Variants in DOCK7 observed in about 807,000 individuals in gnomAD.
DOCK7 encodes dedicator of cytokinesis protein 7.
DOCK7 carries 138 observed loss-of-function variants against 271.0 expected under a neutral mutation model. The observed-to-expected ratio is 0.51, with a 90% CI of 0.44 to 0.59. The LOEUF (loss-of-function observed/expected upper bound fraction) is 0.59. Among genes scored for constraint, DOCK7 ranks in the 20% least tolerant of loss-of-function variants. DOCK7 has a pLI of 0.00. For missense variants in DOCK7, 2,066 were observed against 2,592.4 expected, an observed-to-expected ratio of 0.80 and a Z score of 4.41; for synonymous variants, 823 against 876.1, an observed-to-expected ratio of 0.94 and a Z score of 1.07.
intron 30 of DOCK7, 90 bp downstream of exon 30, chr1:62,529,187 C>G: frequency 7.9e-7 from 1 of 1,262,784 alleles, no homozygotes; most frequent in Non-Finnish European, 1.1e-6. Flanking sequence ...TCTTATTTTC[C>G]TAAAATAAGA....
chr1:62,561,980 TCATATATGTA>T (rs1018584962), intron 18 of DOCK7, among the ~76,000 whole-genome samples: 67 of 148,094 alleles, frequency 4.5e-4, no homozygotes, highest in African/African-American at 1.6e-3. Context: ...TTCTAAACCT[TCATATATGTA>T]CATATATGTA....
intron 22 of DOCK7, among the ~76,000 whole-genome samples, chr1:62,545,472 C>T (rs975365654): frequency 2.0e-5 from 3 of 152,046 alleles, no homozygotes; most frequent in Admixed American, 6.6e-5. Flanking sequence ...CATCTCTCAT[C>T]AACTGAAAAC....
chr1:62,507,868 T>C (rs1157970923), intron 35 of DOCK7, 94 bp downstream of exon 35: 3 of 1,149,694 alleles, frequency 2.6e-6, no homozygotes, highest in Non-Finnish European at 3.7e-6. Flanking sequence ...CAATATTTAA[T>C]AAAATGTAAT....
At chr1:62,509,933 A>G (rs1644433311) in intron 34 of DOCK7, among the ~76,000 whole-genome samples, 1 of 152,176 alleles carries the variant, frequency 6.6e-6, no homozygotes, top group South Asian at 2.1e-4. Flanking sequence ...GGAGAGTGCT[A>G]GGCAAACCTG....
At chr1:62,601,904 T>A (rs145535735) in intron 14 of DOCK7, 1 of 1,491,184 alleles carries the variant, frequency 6.7e-7, no homozygotes, top group Non-Finnish European at 9.3e-7. Flanking sequence ...CTAAGGAGAA[T>A]AGACAGTAGT....
At chr1:62,504,891 G>C (rs1401213895) in intron 36 of DOCK7, 109 bp from the exon 37 acceptor site, 2 of 1,289,454 alleles carry the variant, frequency 1.6e-6, no homozygotes, top group African/African-American at 1.5e-5. Flanking sequence ...GAAATTAAAA[G>C]AATGGTTAGG....
In DOCK7 at chr1:62,578,828, T is replaced by G. The variant is rs770350047; in HGVS notation, c.2010A>C (p.Thr670=). Residue 670 remains threonine, a splice_region_variant and synonymous_variant, in exon 17 of 50, where the codon ACA becomes ACC. Coordinates refer to ENST00000635253, the MANE Select transcript of DOCK7 (RefSeq NM_001367561.1). ...TAAATATTGAACCAAAAGGACTCAC[T>G]GTATATCCAACTGGTGTTTCAAGAG... ...NTPLETPVGY[T]WIPMLQNGRL... The G allele has an allele frequency of 2.5e-6, 4 of 1,598,744 alleles. No individual in the cohort carries two copies. The highest frequency in any genetic ancestry group is 1.3e-5 in the African/African-American group (1 of 74,074).
intron 20 of DOCK7, among the ~76,000 whole-genome samples, chr1:62,557,065 C>CTT (rs11324868): frequency 3.6e-5 from 5 of 137,240 alleles, no homozygotes; most frequent in South Asian, 2.4e-4. Flanking sequence ...TTTTTCTTTT[C>CTT]TTTTTTTTTT....
chr1:62,634,448 T>C (rs1353159533), intron 9 of DOCK7: 2 of 155,816 alleles, frequency 1.3e-5, no homozygotes, highest in Non-Finnish European at 2.8e-5. Flanking sequence ...AGACCCTGAA[T>C]AATCAAAACA....
intron 14 of DOCK7, 41 bp downstream of exon 14, chr1:62,618,665 C>G: frequency 6.6e-7 from 1 of 1,521,146 alleles, no homozygotes; most frequent in Non-Finnish European, 9.1e-7. Context: ...TTAGAATATA[C>G]AGTATCTTCT....
chr1:62,535,543 T>A lies in DOCK7; in HGVS notation c.3561A>T (p.Ala1187=). ...SVPFRQQHYL[A]GLVLTELAVI... ...CAGCCAGCTCTGTTAACACAAGTCC[T>A]GCCAAATAATGCTGTTGGCGGAAAG... Residue 1187 remains alanine (A), a synonymous_variant, in exon 29 of 50, where the codon GCA becomes GCT. Transcript: ENST00000635253. 6.2e-7 allele frequency: 1 copy of A among 1,614,094 alleles called. No homozygotes were observed.
chr1:62,519,160 C>G (rs1353717466), intron 31 of DOCK7, among the ~76,000 whole-genome samples: 1 of 151,726 alleles, frequency 6.6e-6, no homozygotes, highest in Non-Finnish European at 1.5e-5. Flanking sequence ...TCAAAAGAAA[C>G]AAAAATCTGA....
At position 62,480,916 on chromosome 1, in the gene DOCK7, C is replaced by G. The variant is rs1432435058; in HGVS notation, c.5509-3091G>C. 3.5e-5 allele frequency among the ~76,000 whole-genome samples: 5 copies of G among 142,520 alleles called. No individual in the cohort carries two copies. The Admixed American group carries it at 3.9e-4, about 11-fold the overall frequency. 93.5% of individuals were successfully genotyped at this position (142,520 alleles called of 152,430 possible). A position where few individuals can be genotyped will look rare whatever the true frequency, so the allele number is the denominator to read the frequency against. ...CCCAGCTGCTCGGGAGGCTGAGGCA[C>G]GAGAATGGCGTGAACCCGGGAGGCG... On this transcript the variant is annotated intron_variant, in intron 43 of 49. Coordinates refer to ENST00000635253, the MANE Select transcript of DOCK7 (RefSeq NM_001367561.1).
In DOCK7 at chr1:62,559,030, A is replaced by G. The variant is rs138629831; in HGVS notation, c.2390T>C (p.Ile797Thr). 1.2e-6 allele frequency: 2 copies of G among 1,613,798 alleles called. No homozygotes were observed. Among genetic ancestry groups the G allele is most frequent in the Non-Finnish European group, 1.7e-6 (2 of 1,179,814 alleles). Residue 797 changes from isoleucine (I) to threonine (T), a missense_variant, in exon 20 of 50, where the codon ATA (isoleucine) becomes ACA (threonine). Physicochemically the swap from Ile to Thr is moderately conservative, Grantham distance 89 (BLOSUM62 -1). This residue lies in a region of DOCK7 where 1,414 missense variants were observed against 1,670.4 expected (regional missense o/e 0.85). Transcript: ENST00000635253. ...GACAGGAGGTCTAATAACTAAAAGT[A>G]TCAGTTTATCTAGCAGAAGATGAAG... is the stretch of plus-strand genomic sequence containing the variant. ...RFLHLLLDKL[I>T]LLVIRPPVIA...
At chr1:62,584,788 T>TA (rs752980502) in intron 15 of DOCK7, 20 of 753,304 alleles carry the variant, frequency 2.7e-5, no homozygotes, top group Non-Finnish European at 4.3e-5. Flanking sequence ...CATCAAGTGA[T>TA]AAAGTCCCAT....
intron 43 of DOCK7, chr1:62,479,787 G>A (rs911863452): frequency 7.0e-6 from 2 of 286,296 alleles, no homozygotes; most frequent in Non-Finnish European, 1.5e-5. Flanking sequence ...GGGCTCAAGC[G>A]ATCCTTCCAC....
At chr1:62,467,304 G>C (rs1301444905) in intron 48 of DOCK7, among the ~76,000 whole-genome samples, 1 of 152,186 alleles carries the variant, frequency 6.6e-6, no homozygotes, top group South Asian at 2.1e-4. Context: ...AGAGTGAAGG[G>C]TTTCAAGATA....
At chr1:62,552,011 A>C (rs766150669) in intron 22 of DOCK7, among the ~76,000 whole-genome samples, 5 of 152,070 alleles carry the variant, frequency 3.3e-5, no homozygotes, top group South Asian at 2.1e-4. Flanking sequence ...ACCTTAAGGA[A>C]ATGCTGTCTA....
At chr1:62,533,545 A>G (rs1407979097) in intron 29 of DOCK7, among the ~76,000 whole-genome samples, 1 of 152,048 alleles carries the variant, frequency 6.6e-6, no homozygotes, top group Non-Finnish European at 1.5e-5. Flanking sequence ...TGCCCTCTCT[A>G]TACTCCAAAG....
Sources: gnomAD v4.1 joint callset for allele counts (sites outside exome capture counted in the v4.1 genomes callset) on GRCh38, gnomAD v4.1.1 for gene constraint, gnomAD v4.1.1 regional missense constraint, MANE v1.5 for transcripts, NCBI Gene and HGNC (gene_info 2026-07-23, HGNC 2026-07-21) for gene names.